The following PDGFD variants were observed in gnomAD, a reference collection of about 807,000 sequenced individuals.
PDGFD encodes the protein platelet derived growth factor D.
Under a neutral mutation model 44.7 loss-of-function variants are expected in PDGFD, and 30 were observed. That is an observed-to-expected ratio of 0.67 (90% CI 0.50 to 0.91). PDGFD has a LOEUF of 0.91. Ranked by LOEUF, PDGFD falls within the 40% of genes least tolerant of loss-of-function variation. The pLI, the probability that PDGFD is intolerant of heterozygous loss-of-function variation, is 0.00. For missense variants in PDGFD, 445 were observed against 457.8 expected, an observed-to-expected ratio of 0.97 and a Z score of 0.25; for synonymous variants, 173 against 168.4, an observed-to-expected ratio of 1.03 and a Z score of -0.21.
intron 6 of PDGFD, among the ~76,000 whole-genome samples, chr11:103,914,141 T>C (rs990681951): frequency 3.9e-5 from 6 of 152,110 alleles, no homozygotes; most frequent in Non-Finnish European, 7.3e-5. Flanking sequence ...AGGTCCAGAG[T>C]AGGCCTGCAA....
chr11:104,025,253 G>A (rs1860024660), intron 1 of PDGFD, among the ~76,000 whole-genome samples: 1 of 152,184 alleles, frequency 6.6e-6, no homozygotes, highest in Non-Finnish European at 1.5e-5. Context: ...ACTGTTATAG[G>A]ACATGCAGAA....
At chr11:104,113,152 C>T (rs1861585481) in intron 1 of PDGFD, among the ~76,000 whole-genome samples, 1 of 152,036 alleles carries the variant, frequency 6.6e-6, no homozygotes, top group Admixed American at 6.6e-5. Context: ...AGAAAATTGC[C>T]TATACCAAAG....
chr11:103,957,946 T>C (rs1319894752), intron 3 of PDGFD, among the ~76,000 whole-genome samples: 1 of 152,122 alleles, frequency 6.6e-6, no homozygotes. Context: ...TGGTGTTTGG[T>C]AAGTGAACAT....
At chr11:104,132,279 T>C (rs1481543794) in intron 1 of PDGFD, among the ~76,000 whole-genome samples, 2 of 152,132 alleles carry the variant, frequency 1.3e-5, no homozygotes, top group Middle Eastern at 3.2e-3. Context: ...AAACCTTGCA[T>C]ATTTTTAAAA....
chr11:104,063,330 GGAGA>G lies in PDGFD; in HGVS notation c.125-63079_125-63076del, dbSNP rs149925266. ...GACGTGTGTGTGTGTGAGAGAGAGAGGAGAGAGAGAGAGAGAGAGAGAATTTACT... is the reference window on the plus strand; with the variant it reads ...GACGTGTGTGTGTGTGAGAGAGAGAGGAGAGAGAGAGAGAGAGAATTTACT... On this transcript the variant is annotated intron_variant, in intron 1 of 6. Transcript: ENST00000393158. 2.8e-4 allele frequency among the ~76,000 whole-genome samples: 41 copies of G among 148,474 alleles called. 1 individual carries two copies. Among genetic ancestry groups the G allele is most frequent in the East Asian group, 7.9e-4 (4 of 5,062 alleles).
chr11:104,036,636 A>G (rs184336417), intron 1 of PDGFD: 47 of 603,978 alleles, frequency 7.8e-5, no homozygotes, highest in African/African-American at 6.7e-4. Context: ...GCCACACAGC[A>G]GGCACTGAGG....
At chr11:104,032,583 A>G (rs1860145725) in intron 1 of PDGFD, among the ~76,000 whole-genome samples, 1 of 152,114 alleles carries the variant, frequency 6.6e-6, no homozygotes, top group Non-Finnish European at 1.5e-5. Flanking sequence ...TGCTTAGTAC[A>G]GCAAGAGATA....
intron 1 of PDGFD, among the ~76,000 whole-genome samples, chr11:104,023,215 G>A (rs910917959): frequency 6.6e-6 from 1 of 152,016 alleles, no homozygotes; most frequent in Non-Finnish European, 1.5e-5. Context: ...ATAAATAACA[G>A]CTGCAAGGTA....
At chr11:104,032,435 T>C (rs1477857253) in intron 1 of PDGFD, among the ~76,000 whole-genome samples, 2 of 152,160 alleles carry the variant, frequency 1.3e-5, no homozygotes, top group Admixed American at 6.5e-5. Context: ...TTAAAGGTAA[T>C]ACAAGCACAT....
chr11:104,000,171 G>A lies in PDGFD; in HGVS notation c.209C>T (p.Pro70Leu), dbSNP rs766009413. 12 of 1,613,886 alleles carry A rather than the reference G, an allele frequency of 7.4e-6. No homozygotes were observed. The highest frequency in any genetic ancestry group is 2.7e-5 in the African/African-American group (2 of 74,876). Residue 70 changes from proline to leucine, a missense_variant, in exon 2 of 7, where the codon CCG becomes CTG. By Grantham distance (98) the Pro-to-Leu change is moderately conservative. Transcript: ENST00000393158. ...GAGCAGGTTCCTGGGGTAGCTGTTC[G>A]GGAATCTAGGACTCTGCACGTAGCC... is the stretch of plus-strand genomic sequence containing the variant. ...GNGYVQSPRFPNSYPRNLLLT... is the reference protein window; with the variant it reads ...GNGYVQSPRFLNSYPRNLLLT...
chr11:104,123,070 A>T (rs1591176482), intron 1 of PDGFD, among the ~76,000 whole-genome samples: 1 of 152,204 alleles, frequency 6.6e-6, no homozygotes, highest in East Asian at 1.9e-4. Flanking sequence ...TTAAAGAAAG[A>T]ATGTTTTCCT....
intron 6 of PDGFD, among the ~76,000 whole-genome samples, chr11:103,924,876 C>T (rs1858280509): frequency 1.3e-5 from 2 of 152,100 alleles, no homozygotes; most frequent in African/African-American, 2.4e-5. Flanking sequence ...AGGTTTGTTA[C>T]GTAGGTATAC....
chr11:104,037,854 G>GA, intron 1 of PDGFD: 1 of 1,614,180 alleles, frequency 6.2e-7, no homozygotes, highest in South Asian at 1.1e-5. Context: ...CCATCGATTT[G>GA]AAGAAAAATG....
chr11:103,924,206 A>G (rs945336391), intron 6 of PDGFD, among the ~76,000 whole-genome samples: 1 of 152,188 alleles, frequency 6.6e-6, no homozygotes, highest in Non-Finnish European at 1.5e-5. Flanking sequence ...GTCAAGATAA[A>G]AATAAAGCAC....
At chr11:103,962,070 A>G (rs1036441894) in intron 3 of PDGFD, among the ~76,000 whole-genome samples, 3 of 152,200 alleles carry the variant, frequency 2.0e-5, no homozygotes, top group African/African-American at 7.2e-5. Flanking sequence ...AACAACAGAT[A>G]GCTATTCAGG....
chr11:103,923,583 T>C (rs144934125), intron 6 of PDGFD, among the ~76,000 whole-genome samples: 41 of 152,286 alleles, frequency 2.7e-4, no homozygotes, highest in Non-Finnish European at 4.6e-4. Flanking sequence ...TTCTCAGAGG[T>C]AAGAATACAG....
At chr11:104,124,180 A>T (rs1861812952) in intron 1 of PDGFD, among the ~76,000 whole-genome samples, 1 of 152,042 alleles carries the variant, frequency 6.6e-6, no homozygotes, top group East Asian at 1.9e-4. Flanking sequence ...GAGTGGAAAG[A>T]GAAAGGTCCT....
At chr11:103,980,870 C>G (rs1300350111) in intron 3 of PDGFD, among the ~76,000 whole-genome samples, 2 of 151,960 alleles carry the variant, frequency 1.3e-5, no homozygotes, top group East Asian at 1.9e-4. Flanking sequence ...AAAACCCTAC[C>G]ATGCTGGCAC....
chr11:104,077,432 C>T (rs1264476158), intron 1 of PDGFD, among the ~76,000 whole-genome samples: 1 of 152,112 alleles, frequency 6.6e-6, no homozygotes, highest in African/African-American at 2.4e-5. Flanking sequence ...GCTTGGGCAA[C>T]TGGTGGTGTC....
Sources: allele counts gnomAD v4.1 joint callset (sites outside exome capture counted in the v4.1 genomes callset), GRCh38; gene constraint gnomAD v4.1.1; transcripts MANE v1.5; gene names NCBI Gene and HGNC (gene_info 2026-07-23, HGNC 2026-07-21).